The following CDH12 variants were observed in gnomAD, a reference collection of about 807,000 sequenced individuals.
The protein encoded by CDH12 is cadherin 12.
CDH12 carries 41 observed loss-of-function variants against 74.1 expected under a neutral mutation model. The ratio of observed to expected loss-of-function variants is 0.55; its 90% confidence interval spans 0.43 to 0.72. CDH12 has a LOEUF of 0.72. Ranked by LOEUF, CDH12 falls within the 30% of genes least tolerant of loss-of-function variation. CDH12 has a pLI of 0.00. For missense variants in CDH12, 945 were observed against 977.2 expected, an observed-to-expected ratio of 0.97 and a Z score of 0.44; for synonymous variants, 399 against 355.0, an observed-to-expected ratio of 1.12 and a Z score of -1.39.
rs972957253 is a variant in CDH12 at position 22,625,780 on chromosome 5, C to T, written c.-522-120416G>A. Reference sequence around the variant, plus strand: ...TGGAGGCCCTCATCATAGCTCCTTTCCTGGCAGACCACACCTGACCATCAG... The same window carrying T: ...TGGAGGCCCTCATCATAGCTCCTTTTCTGGCAGACCACACCTGACCATCAG... On this transcript the variant is annotated intron_variant, in intron 1 of 14. Transcript: ENST00000382254. Among the ~76,000 whole-genome samples, 33 of 152,238 alleles carry T rather than the reference C, an allele frequency of 2.2e-4. No individual in the cohort carries two copies. In the East Asian group the frequency reaches 4.7e-3, roughly 21 times the overall value.
In CDH12 at chr5:22,748,301, A is replaced by G. The variant is rs145266265; in HGVS notation, c.-523+104757T>C. On this transcript the variant is annotated intron_variant, in intron 1 of 14. Coordinates refer to ENST00000382254, the MANE Select transcript of CDH12 (RefSeq NM_004061.5). ...ACTTTAATATTGGAAGTGGTTACAT[A>G]TAAAAGAACTTGATGGAATACACAA... Among the ~76,000 whole-genome samples, 448 of 152,298 alleles carry G rather than the reference A, an allele frequency of 2.9e-3. 2 individuals are homozygous for G. The highest frequency in any genetic ancestry group is 0.01 in the African/African-American group (422 of 41,568).
At chr5:21,752,670 G>A (rs186726963) in intron 14 of CDH12, among the ~76,000 whole-genome samples, 9 of 151,888 alleles carry the variant, frequency 5.9e-5, no homozygotes, top group South Asian at 2.1e-4. Flanking sequence ...TTTCTTATGC[G>A]ATAAGCCCAA....
intron 7 of CDH12, among the ~76,000 whole-genome samples, chr5:21,842,770 A>G (rs6868216): frequency 0.099 from 15,065 of 152,220 alleles, 1,426 homozygotes; most frequent in African/African-American, 0.25. Flanking sequence ...TTTATTTTCT[A>G]GAGTAAAAAT....
intron 6 of CDH12, among the ~76,000 whole-genome samples, chr5:21,967,970 C>G (rs953259448): frequency 6.6e-6 from 1 of 152,146 alleles, no homozygotes; most frequent in Non-Finnish European, 1.5e-5. Flanking sequence ...TACAAATCAA[C>G]GGCTTGTCTC....
At position 21,864,533 on chromosome 5, in the gene CDH12, C is replaced by T. The variant is rs79943155; in HGVS notation, c.527-9743G>A. ...AACTTCTCAATCTTGGACTGCCTGT[C>T]CTCCAGAACTATAGGTCAAATGAAT... On this transcript the variant is annotated intron_variant, in intron 6 of 14. Transcript: ENST00000382254. Among the ~76,000 whole-genome samples the T allele has an allele frequency of 5.4e-3, 829 of 152,244 alleles. 13 individuals carry two copies. The highest frequency in any genetic ancestry group is 0.019 in the African/African-American group (793 of 41,552).
At chr5:22,296,978 T>C (rs529954413) in intron 3 of CDH12, among the ~76,000 whole-genome samples, 1 of 104,490 alleles carries the variant, frequency 9.6e-6, no homozygotes, top group Non-Finnish European at 2.3e-5. Flanking sequence ...TTTCTTTTAT[T>C]CTTTTCTTTC....
At chr5:22,706,683 A>G (rs1462729629) in intron 1 of CDH12, among the ~76,000 whole-genome samples, 2 of 152,106 alleles carry the variant, frequency 1.3e-5, no homozygotes, top group Non-Finnish European at 2.9e-5. Flanking sequence ...TGAATATATT[A>G]CTACTATAAA....
intron 11 of CDH12, among the ~76,000 whole-genome samples, chr5:21,780,695 T>A (rs1043504270): frequency 6.6e-6 from 1 of 152,220 alleles, no homozygotes; most frequent in African/African-American, 2.4e-5. Flanking sequence ...TCATTTATTG[T>A]ATCCCCACCA....
chr5:22,339,212 G>A (rs577576475), intron 3 of CDH12, among the ~76,000 whole-genome samples: 10 of 152,224 alleles, frequency 6.6e-5, no homozygotes, highest in Middle Eastern at 3.4e-3. Flanking sequence ...AAGTAATTTT[G>A]TCTGCATTTT....
rs545232103 is a variant in CDH12, at chr5:21,950,358, AAATT to A, written c.526+24729_526+24732del. Among the ~76,000 whole-genome samples, 1,390 of 152,292 alleles carry A rather than the reference AAATT, an allele frequency of 9.1e-3. 7 individuals carry two copies. The highest frequency in any genetic ancestry group is 0.015 in the South Asian group (71 of 4,816). On this transcript the variant is annotated intron_variant, in intron 6 of 14. Transcript: ENST00000382254. ...CATTGTATTTAAAAACACTATAAAT[AAATT>A]AAGATGGAAACTTAACATGTTTACG...
At chr5:22,838,855 T>A (rs1736957436) in intron 1 of CDH12, among the ~76,000 whole-genome samples, 1 of 152,072 alleles carries the variant, frequency 6.6e-6, no homozygotes, top group Non-Finnish European at 1.5e-5. Flanking sequence ...ATTTTTGTAT[T>A]TTAATAGAGA....
chr5:21,904,737 C>T (rs531895092), intron 6 of CDH12, among the ~76,000 whole-genome samples: 9 of 151,896 alleles, frequency 5.9e-5, no homozygotes, highest in Non-Finnish European at 1.2e-4. Flanking sequence ...TATGATTGCA[C>T]CACTATACTC....
At chr5:22,329,809 C>T (rs1272051932) in intron 3 of CDH12, among the ~76,000 whole-genome samples, 1 of 152,208 alleles carries the variant, frequency 6.6e-6, no homozygotes, top group East Asian at 1.9e-4. Flanking sequence ...TTTTGACCAG[C>T]CCTAGCCAGA....
intron 3 of CDH12, among the ~76,000 whole-genome samples, chr5:22,216,312 G>T (rs1751801571): frequency 1.3e-5 from 2 of 151,880 alleles, no homozygotes; most frequent in South Asian, 4.1e-4. Flanking sequence ...GCAACCCTTA[G>T]ATTTCCTACA....
chr5:22,660,015 T>A (rs1264630234), intron 1 of CDH12, among the ~76,000 whole-genome samples: 6 of 152,190 alleles, frequency 3.9e-5, no homozygotes, highest in Non-Finnish European at 8.8e-5. Context: ...TAGTCCAGTA[T>A]AAATGTGAAA....
chr5:22,097,142 C>A (rs778791836), intron 4 of CDH12, among the ~76,000 whole-genome samples: 2 of 152,170 alleles, frequency 1.3e-5, no homozygotes, highest in African/African-American at 2.4e-5. Flanking sequence ...GGCCACCAGG[C>A]CAAAGAATGC....
intron 6 of CDH12, among the ~76,000 whole-genome samples, chr5:21,972,943 T>C (rs1355536259): frequency 6.6e-6 from 1 of 151,436 alleles, no homozygotes; most frequent in African/African-American, 2.4e-5. Flanking sequence ...GGCTCATGAC[T>C]GTAATCCCAG....
At position 22,305,106 on chromosome 5, in the gene CDH12, A is replaced by T. The variant is rs1483562869; in HGVS notation, c.-332-92463T>A. On this transcript the variant is annotated intron_variant, in intron 3 of 14. Coordinates refer to ENST00000382254, the MANE Select transcript of CDH12 (RefSeq NM_004061.5). ...TAAAAGCCTCTAAAATATATCTATA[A>T]CATAAACATATAAAAGGTACTTTGG... 2.8e-3 allele frequency among the ~76,000 whole-genome samples: 5 copies of T among 1,816 alleles called. No individual in the cohort carries two copies. The Non-Finnish European group carries it at 0.12, about 45-fold the overall frequency. 1.2% of individuals were successfully genotyped at this position (1,816 alleles called of 152,430 possible).
chr5:22,487,219 T>C (rs2963699), intron 2 of CDH12, among the ~76,000 whole-genome samples: 144,414 of 151,816 alleles, frequency 0.95, 68,798 homozygotes, highest in African/African-American at 0.98. Context: ...CCAAGCTGAT[T>C]TCGAACTCCT....
Sources: gnomAD v4.1 joint callset for allele counts (sites outside exome capture counted in the v4.1 genomes callset) on GRCh38, gnomAD v4.1.1 for gene constraint, MANE v1.5 for transcripts, NCBI Gene and HGNC (gene_info 2026-07-23, HGNC 2026-07-21) for gene names.